ABR: variants seen among roughly 807,000 people sequenced by gnomAD.
ABR encodes the protein ABR activator of RhoGEF and GTPase.
ABR carries 35 observed loss-of-function variants against 107.2 expected under a neutral mutation model. The ratio of observed to expected loss-of-function variants is 0.33; its 90% CI spans 0.25 to 0.43. The LOEUF is 0.43. Ranked by LOEUF, ABR falls within the 20% of genes least tolerant of loss-of-function variation. ABR has a pLI of 1.00. For synonymous variants in ABR, 498 were observed against 462.0 expected (o/e 1.08, Z -1.00); for missense variants, 815 against 1,115.2 (o/e 0.73, Z 3.83).
intron 16 of ABR, among the ~76,000 whole-genome samples, chr17:1,033,612 G>T (rs1362490158): frequency 6.6e-6 from 1 of 152,176 alleles, no homozygotes. Context: ...CCGGGCCTCA[G>T]TCTTCACTGT....
In ABR at chr17:1,037,200, T is replaced by G. The variant is rs974173818; in HGVS notation, c.1791+12850A>C. Among the ~76,000 whole-genome samples the G allele has an allele frequency of 6.6e-6, 1 of 152,172 alleles. No individual in the cohort carries two copies. Among genetic ancestry groups the G allele is most frequent in the Non-Finnish European group, 1.5e-5 (1 of 68,036 alleles). On this transcript the variant is annotated intron_variant, in intron 16 of 22. Transcript: ENST00000302538. This position sits in a 1 kb window ranked among gnomAD's most constrained non-coding sequence, Gnocchi z 4.6. ...GGGCACAGTGTAAGGAAGAAGGCAG[T>G]CAGGATGAAATCAGTTGCTCTACGG...
chr17:1,127,166 G>T (rs1463421415), intron 1 of ABR, among the ~76,000 whole-genome samples: 1 of 152,238 alleles, frequency 6.6e-6, no homozygotes, highest in African/African-American at 2.4e-5. Context: ...CCATTCAGCT[G>T]CCAGGGGACA....
intron 10 of ABR, among the ~76,000 whole-genome samples, chr17:1,063,303 C>G (rs12941044): frequency 5.9e-5 from 1 of 16,894 alleles, no homozygotes. Flanking sequence ...CTAGACACTG[C>G]TGTTACGTGA....
At chr17:1,119,111 GT>G (rs1297207048) in intron 2 of ABR, among the ~76,000 whole-genome samples, 2 of 928 alleles carry the variant, frequency 2.2e-3, no homozygotes, top group Non-Finnish European at 8.7e-3. Context: ...CTGAGCCTGA[GT>G]TCCTCCCAGC....
chr17:1,094,971 T>C (rs2037306847), intron 3 of ABR, among the ~76,000 whole-genome samples: 1 of 152,184 alleles, frequency 6.6e-6, no homozygotes, highest in Admixed American at 6.5e-5. Context: ...CCACCCTCCA[T>C]GAGGGACATG....
chr17:1,102,773 T>TGG (rs1341337321), intron 2 of ABR, among the ~76,000 whole-genome samples: 14 of 152,308 alleles, frequency 9.2e-5, no homozygotes, highest in Non-Finnish European at 1.8e-4. Context: ...TGCAATGGCA[T>TGG]GATCTCAGCT....
chr17:1,133,593 C>T (rs2151476637), intron 1 of ABR, among the ~76,000 whole-genome samples: 1 of 152,184 alleles, frequency 6.6e-6, no homozygotes, highest in East Asian at 1.9e-4. Flanking sequence ...AAAGTAAAAA[C>T]ATACGTGCAT....
At chr17:1,091,635 G>C (rs557116124) in intron 4 of ABR, 30 bp downstream of exon 4, 2 of 1,602,294 alleles carry the variant, frequency 1.2e-6, no homozygotes, top group Non-Finnish European at 1.7e-6. Flanking sequence ...GAGGCCCTGC[G>C]TGAGGACCCT....
intron 2 of ABR, among the ~76,000 whole-genome samples, chr17:1,124,169 T>G (rs2039483202): frequency 2.1e-5 from 3 of 143,640 alleles, no homozygotes; most frequent in South Asian, 4.5e-4. Flanking sequence ...GGGTGGAGGG[T>G]GGCCGGGGGG....
intron 3 of ABR, among the ~76,000 whole-genome samples, chr17:1,095,027 A>T (rs2037311205): frequency 6.6e-6 from 1 of 152,000 alleles, no homozygotes; most frequent in Non-Finnish European, 1.5e-5. Context: ...TATCCTTTTC[A>T]CCTCAACGCA....
At chr17:1,139,396 T>C (rs992765196) in intron 1 of ABR, among the ~76,000 whole-genome samples, 3 of 152,040 alleles carry the variant, frequency 2.0e-5, no homozygotes, top group African/African-American at 2.4e-5. Context: ...GGACTACAGG[T>C]GCCTGCCATC....
chr17:1,069,457 A>T (rs1463113396), intron 9 of ABR, among the ~76,000 whole-genome samples: 5 of 152,120 alleles, frequency 3.3e-5, no homozygotes, highest in African/African-American at 1.2e-4. Flanking sequence ...TGAGGTTGGG[A>T]GTTTGAGATC....
In ABR at chr17:1,072,710, C is replaced by T. The variant is rs2151186144; in HGVS notation, c.798G>A (p.Leu266=). ...HTPVDHPDYP[L]LQDALRISQN... is the part of the protein sequence containing the mutation. ...GGGAGATGCGGAGGGCATCCTGCAG[C>T]AGCGGGTAGTCGGGGTGGTCCACAG... Residue 266 remains leucine, a synonymous_variant, in exon 8 of 23, where the codon CTG becomes CTA. Coordinates refer to ENST00000302538, the MANE Select transcript of ABR (RefSeq NM_021962.5). 2.5e-6 allele frequency: 4 copies of T among 1,613,836 alleles called. No individual in the cohort carries two copies. Among genetic ancestry groups the T allele is most frequent in the Non-Finnish European group, 3.4e-6 (4 of 1,179,884 alleles).
chr17:1,066,911 T>C (rs1163439592), intron 10 of ABR, among the ~76,000 whole-genome samples, 166 bp downstream of exon 10: 2 of 152,162 alleles, frequency 1.3e-5, no homozygotes, highest in South Asian at 4.1e-4. Flanking sequence ...TCCTGAGCAC[T>C]GACCCCCTCG....
At chr17:1,181,046 C>CCCCAT (rs1212335586), upstream of ABR, among the ~76,000 whole-genome samples, 46 of 152,168 alleles carry the variant, frequency 3.0e-4, no homozygotes, top group African/African-American at 1.1e-3. Flanking sequence ...CTCCACCCCA[C>CCCCAT]CCCATCCCCA....
In ABR at chr17:1,051,710, G is replaced by C. The variant is rs917946039; in HGVS notation, c.1562-1076C>G. 3.3e-5 allele frequency among the ~76,000 whole-genome samples: 5 copies of C among 152,298 alleles called. No homozygotes were observed. Among genetic ancestry groups the C allele is most frequent in the Non-Finnish European group, 7.4e-5 (5 of 68,012 alleles). On this transcript the variant is annotated intron_variant, in intron 14 of 22. Coordinates refer to ENST00000302538, the MANE Select transcript of ABR (RefSeq NM_021962.5). The surrounding 1 kb of genome is among the most constrained non-coding windows in gnomAD (Gnocchi z 4.3). ...GAAACAACGTCAGAGGTCACAGTGC[G>C]GGCATACAGTGCAGGTGGCTTACTC...
chr17:1,126,743 C>G (rs2039620680), intron 1 of ABR, among the ~76,000 whole-genome samples: 1 of 152,184 alleles, frequency 6.6e-6, no homozygotes, highest in African/African-American at 2.4e-5. Flanking sequence ...GGCACCTGGC[C>G]CCCTGGCACC....
At chr17:1,190,033 C>T (rs1172374878), upstream of ABR, among the ~76,000 whole-genome samples, 5 of 152,164 alleles carry the variant, frequency 3.3e-5, no homozygotes, top group African/African-American at 7.2e-5. Context: ...GACGTCGCGT[C>T]GAGAATGACC....
chr17:1,018,277 C>T (rs1003306299), intron 16 of ABR, among the ~76,000 whole-genome samples: 20 of 149,982 alleles, frequency 1.3e-4, no homozygotes, highest in South Asian at 4.2e-4. Context: ...CTCCTGACCT[C>T]GTGATTCGCC....
Sources: gnomAD v4.1 joint callset for allele counts (sites outside exome capture counted in the v4.1 genomes callset) on GRCh38, gnomAD v4.1.1 for gene constraint, Gnocchi (gnomAD v3.1) non-coding constraint, MANE v1.5 for transcripts, NCBI Gene and HGNC (gene_info 2026-07-23, HGNC 2026-07-21) for gene names.